The following PRR12 variants were observed in gnomAD, a reference collection of about 807,000 sequenced individuals.
The protein encoded by PRR12 is proline rich 12.
Under a neutral mutation model 138.0 loss-of-function variants are expected in PRR12, and 12 were observed. The observed-to-expected ratio is 0.09, with a 90% confidence interval of 0.06 to 0.14. The LOEUF (loss-of-function observed/expected upper bound fraction) is 0.14, where lower values mean the gene tolerates loss of function less well. PRR12 is among the 10% of genes least tolerant of loss of function. The pLI is 1.00. For synonymous variants in PRR12, 1,567 were observed against 1,291.7 expected (o/e 1.21, Z -4.57); for missense variants, 2,692 against 2,861.3 (o/e 0.94, Z 1.35).
intron 1 of PRR12, among the ~76,000 whole-genome samples, chr19:49,591,974 G>T (rs762698332): frequency 2.6e-5 from 4 of 152,216 alleles, no homozygotes; most frequent in African/African-American, 4.8e-5. Flanking sequence ...GAAAATGGGG[G>T]TGCAAAACAA....
intron 1 of PRR12, 97 bp downstream of exon 1, chr19:49,591,837 T>A: frequency 1.6e-6 from 1 of 643,770 alleles, no homozygotes; most frequent in Non-Finnish European, 2.3e-6. Flanking sequence ...GACGCGTGCA[T>A]CGCAAACTCC....
Position 49,596,387 on chromosome 19 carries a change from G to T in PRR12, c.2052G>T (p.Pro684=). The change falls in exon 4 of 14, where the codon CCG becomes CCT. Residue 684 remains proline, a synonymous_variant. Coordinates refer to ENST00000418929, the MANE Select transcript of PRR12 (RefSeq NM_020719.3). This position sits in a 1 kb window ranked among gnomAD's most constrained non-coding sequence, Gnocchi z 5.6. ...GGAGTGGCGGGGCCGGGGGACCACC[G>T]GGTACACCCTACGAGTTGGCCAAGG... ...LGGSGGAGGP[P]GTPYELAKED... is the part of the protein sequence containing the mutation. 1 of 1,602,768 alleles carries T rather than the reference G, an allele frequency of 6.2e-7. No homozygotes were observed.
At position 49,625,697 on chromosome 19, in the gene PRR12, T is replaced by C; in HGVS notation, c.*90T>C. Reference sequence around the variant, plus strand: ...CTCAGGAGCTAACACCTGGGCTCCATCGCCGGGGAAAGGGGGTCATGGGTC... The same window carrying C: ...CTCAGGAGCTAACACCTGGGCTCCACCGCCGGGGAAAGGGGGTCATGGGTC... On this transcript the variant is annotated 3_prime_UTR_variant, in exon 14 of 14. Transcript: ENST00000418929. The surrounding 1 kb of genome is among the most constrained non-coding windows in gnomAD (Gnocchi z 5.5). 6.8e-7 allele frequency: 1 copy of C among 1,461,938 alleles called. No individual in the cohort carries two copies. Among genetic ancestry groups the C allele is most frequent in the Non-Finnish European group, 9.1e-7 (1 of 1,103,366 alleles). 90.6% of individuals were successfully genotyped at this position (1,461,938 alleles called of 1,614,324 possible). A position where few individuals can be genotyped will look rare whatever the true frequency, so the allele number is the denominator to read the frequency against.
At chr19:49,592,293 T>A (rs2080733760) in intron 1 of PRR12, among the ~76,000 whole-genome samples, 1 of 150,850 alleles carries the variant, frequency 6.6e-6, no homozygotes. Context: ...AGGGAGGGGG[T>A]CAGGCGTCTG....
Position 49,614,215 on chromosome 19 carries a change from C to G in PRR12, c.4774-318C>G, listed in dbSNP as rs756397139. On this transcript the variant is annotated intron_variant, in intron 6 of 13. Coordinates refer to ENST00000418929, the MANE Select transcript of PRR12 (RefSeq NM_020719.3). This position sits in a 1 kb window ranked among gnomAD's most constrained non-coding sequence, Gnocchi z 5.0. ...CCTGTCCAGCACAGTAAATAGCAGG[C>G]GGTGTTCAAAGATTGTCATTACTCT... is the stretch of plus-strand genomic sequence containing the variant. Among the ~76,000 whole-genome samples the G allele has an allele frequency of 6.6e-6, 1 of 152,162 alleles. No homozygotes were observed. The highest frequency in any genetic ancestry group is 2.4e-5 in the African/African-American group (1 of 41,430).
At position 49,597,214 on chromosome 19, in the gene PRR12, A is replaced by G. The variant is rs1217970023; in HGVS notation, c.2879A>G (p.Asp960Gly). ...GAGATGTTCGGTGGAGGGGCCGCGGACGACTACGGCAAGGCCGGGCCACCT... is the reference window on the plus strand; with the variant it reads ...GAGATGTTCGGTGGAGGGGCCGCGGGCGACTACGGCAAGGCCGGGCCACCT... ...MEEMFGGGAA[D>G]DYGKAGPPED... Residue 960 changes from aspartate (D) to glycine (G), a missense_variant, in exon 4 of 14, where the codon GAC (aspartate) becomes GGC (glycine). By Grantham distance (94) the Asp-to-Gly change is moderately conservative. This residue lies in a region of PRR12 where 840 missense variants were observed against 689.8 expected (regional missense o/e 1.22). Transcript: ENST00000418929. The surrounding 1 kb of genome is among the most constrained non-coding windows in gnomAD (Gnocchi z 6.3). 3 of 1,566,770 alleles carry G rather than the reference A, an allele frequency of 1.9e-6. No individual in the cohort carries two copies. The highest frequency in any genetic ancestry group is 2.6e-6 in the Non-Finnish European group (3 of 1,156,010).
intron 5 of PRR12, 126 bp from the exon 6 acceptor site, chr19:49,601,365 G>A (rs936434010): frequency 3.2e-6 from 2 of 632,148 alleles, no homozygotes; most frequent in Non-Finnish European, 5.6e-6. Context: ...AGGGTAGAAG[G>A]GACACTGGGA....
Position 49,596,449 on chromosome 19 carries a change from G to A in PRR12, c.2114G>A (p.Arg705His), listed in dbSNP as rs372510933. 29 of 1,611,022 alleles carry A rather than the reference G, an allele frequency of 1.8e-5. No homozygotes were observed. Among genetic ancestry groups the A allele is most frequent in the Middle Eastern group, 1.7e-4 (1 of 6,050 alleles). ...PQRYHLQSVIRTSASLDEGAT... is the reference protein window; with the variant it reads ...PQRYHLQSVIHTSASLDEGAT... ...AGGTACCACCTGCAGAGTGTCATCC[G>A]CACCAGTGCCAGCCTGGATGAGGGT... The change falls in exon 4 of 14, where the codon CGC becomes CAC. Residue 705 changes from arginine (R) to histidine (H), a missense_variant. Physicochemically the swap from Arg to His is conservative, Grantham distance 29. This residue lies in a region of PRR12 where 840 missense variants were observed against 689.8 expected (regional missense o/e 1.22). Coordinates refer to ENST00000418929, the MANE Select transcript of PRR12 (RefSeq NM_020719.3). This position sits in a 1 kb window ranked among gnomAD's most constrained non-coding sequence, Gnocchi z 5.6.
At position 49,607,361 on chromosome 19, in the gene PRR12, G is replaced by GCGCGCACACACACA. The variant is rs1555742564; in HGVS notation, c.4773+5444_4773+5445insGCGCACACACACAC. On this transcript the variant is annotated intron_variant, in intron 6 of 13. Transcript: ENST00000418929. ...GAGTGAGCCTCTGTCATGTACGTGT[G>GCGCGCACACACACA]CACACACACACACACACACAGAGTT... is the stretch of plus-strand genomic sequence containing the variant. Among the ~76,000 whole-genome samples, 32 of 147,864 alleles carry GCGCGCACACACACA rather than the reference G, an allele frequency of 2.2e-4. No individual in the cohort carries two copies. The South Asian group carries it at 5.3e-3, about 25-fold the overall frequency.
rs1288437379 is a variant in PRR12, at chr19:49,616,138, G to T, written c.5416G>T (p.Gly1806Cys). ...KKRKKWLKEA[G>C]GNATAGGGPP... Reference sequence around the variant, plus strand: ...GAGGAAGAAATGGCTGAAGGAGGCAGGCGGCAACGCTACAGCAGGCGGGGG... The same window carrying T: ...GAGGAAGAAATGGCTGAAGGAGGCATGCGGCAACGCTACAGCAGGCGGGGG... Residue 1806 changes from glycine to cysteine, a missense_variant, in exon 9 of 14, where the codon GGC becomes TGC. Gly to Cys is a radical substitution (Grantham distance 159). Transcript: ENST00000418929. This position sits in a 1 kb window ranked among gnomAD's most constrained non-coding sequence, Gnocchi z 4.2. 1.9e-6 allele frequency: 3 copies of T among 1,567,018 alleles called. No homozygotes were observed. The highest frequency in any genetic ancestry group is 2.6e-6 in the Non-Finnish European group (3 of 1,156,534).
intron 6 of PRR12, among the ~76,000 whole-genome samples, chr19:49,609,996 C>T (rs1201398047): frequency 2.7e-5 from 4 of 148,972 alleles, no homozygotes; most frequent in African/African-American, 9.9e-5. Context: ...TTTTTTGAGA[C>T]GAAGTCTCGC....
At position 49,594,849 on chromosome 19, in the gene PRR12, G is replaced by C. The variant is rs774689571; in HGVS notation, c.514G>C (p.Asp172His). Residue 172 changes from aspartate to histidine, a missense_variant, in exon 4 of 14, where the codon GAC (aspartate) becomes CAC (histidine). Around this residue, in one of 11 missense-constraint regions of PRR12, gnomAD observed 211 missense variants for 266.3 expected, o/e 0.79. Transcript: ENST00000418929. The surrounding 1 kb of genome is among the most constrained non-coding windows in gnomAD (Gnocchi z 5.6). ...AGTGCCCTCGTCCCTCAGCCTCCAG[G>C]ACCCCCCATTCAGCCCTCCAGCTAA... ...FPVPSSLSLQ[D>H]PPFSPPANGL... is the part of the protein sequence containing the mutation. The C allele has an allele frequency of 6.2e-7, 1 of 1,611,242 alleles. No homozygotes were observed. The highest frequency in any genetic ancestry group is 8.5e-7 in the Non-Finnish European group (1 of 1,179,030).
Position 49,597,097 on chromosome 19 carries a change from C to A in PRR12, c.2762C>A (p.Thr921Asn). The A allele has an allele frequency of 6.4e-7, 1 of 1,551,488 alleles. No homozygotes were observed. Among genetic ancestry groups the A allele is most frequent in the South Asian group, 1.2e-5 (1 of 84,154 alleles). Residue 921 changes from threonine (T) to asparagine (N), a missense_variant, in exon 4 of 14, where the codon ACC becomes AAC. By Grantham distance (65) the Thr-to-Asn change is moderately conservative (BLOSUM62 0). Coordinates refer to ENST00000418929, the MANE Select transcript of PRR12 (RefSeq NM_020719.3). This position sits in a 1 kb window ranked among gnomAD's most constrained non-coding sequence, Gnocchi z 6.3. ...TACCGCAGCCCCAGCCCGCAAGGCA[C>A]CAAGGCGCCGCGTTTCGTGCCGCTC... ...GAYRSPSPQG[T>N]KAPRFVPLTS...
chr19:49,601,305 TCTC>T (rs144574430), intron 5 of PRR12, among the ~76,000 whole-genome samples, 183 bp from the exon 6 acceptor site: 3,556 of 151,872 alleles, frequency 0.023, 134 homozygotes, highest in African/African-American at 0.081. Context: ...AGGAGACAGG[TCTC>T]CTTTGCAGCC....
intron 9 of PRR12, among the ~76,000 whole-genome samples, chr19:49,619,991 T>A (rs1326853437): frequency 6.6e-6 from 1 of 151,048 alleles, no homozygotes; most frequent in Non-Finnish European, 1.5e-5. Context: ...TAGCTGGGAT[T>A]ACAGGCGTGT....
intron 1 of PRR12, among the ~76,000 whole-genome samples, chr19:49,592,925 T>TG (rs922811723): frequency 3.6e-4 from 54 of 149,746 alleles, no homozygotes; most frequent in Admixed American, 9.3e-4. Context: ...GGCGTCCATG[T>TG]GGACCTCTGG....
chr19:49,625,644 G>T lies in PRR12; in HGVS notation c.*37G>T. 1.3e-6 allele frequency: 2 copies of T among 1,567,532 alleles called. No individual in the cohort carries two copies. Among genetic ancestry groups the T allele is most frequent in the South Asian group, 2.3e-5 (2 of 86,166 alleles). ...CTTGTGAGGGGGGCGCCTCCTCCAT[G>T]AACCGAGAATTGGGACAGAACCGTG... On this transcript the variant is annotated 3_prime_UTR_variant, in exon 14 of 14. Coordinates refer to ENST00000418929, the MANE Select transcript of PRR12 (RefSeq NM_020719.3). This position sits in a 1 kb window ranked among gnomAD's most constrained non-coding sequence, Gnocchi z 5.5.
In PRR12 at chr19:49,614,773, G is replaced by T. The variant is rs761114906; in HGVS notation, c.4891-103G>T. On this transcript the variant is annotated intron_variant, in intron 7 of 13. Coordinates refer to ENST00000418929, the MANE Select transcript of PRR12 (RefSeq NM_020719.3). This position sits in a 1 kb window ranked among gnomAD's most constrained non-coding sequence, Gnocchi z 5.0. ...ATCTGGAAGGGGGCCCCCTGCTGCC[G>T]GCAGGCTCCAAGCAGCTGCCATGGT... 8 of 1,554,026 alleles carry T rather than the reference G, an allele frequency of 5.1e-6. No homozygotes were observed. The East Asian group carries it at 1.8e-4, about 35-fold the overall frequency.
At position 49,601,520 on chromosome 19, in the gene PRR12, C is replaced by G. The variant is rs1166810572; in HGVS notation, c.4375C>G (p.Pro1459Ala). Reference protein sequence around the residue: ...EPPLLEEKPPPTPPPAPTPQP... With the variant: ...EPPLLEEKPPATPPPAPTPQP... ...CCCGCTGCTGGAGGAGAAACCCCCACCCACTCCACCTCCTGCCCCGACTCC... is the reference window on the plus strand; with the variant it reads ...CCCGCTGCTGGAGGAGAAACCCCCAGCCACTCCACCTCCTGCCCCGACTCC... The change falls in exon 6 of 14, where the codon CCC becomes GCC. Residue 1459 changes from proline to alanine, a missense_variant. This residue lies in a region of PRR12 where 231 missense variants were observed against 200.8 expected (regional missense o/e 1.15). Coordinates refer to ENST00000418929, the MANE Select transcript of PRR12 (RefSeq NM_020719.3). 5 of 1,527,258 alleles carry G rather than the reference C, an allele frequency of 3.3e-6. No homozygotes were observed. The highest frequency in any genetic ancestry group is 4.4e-6 in the Non-Finnish European group (5 of 1,128,940). 94.6% of individuals were successfully genotyped at this position (1,527,258 alleles called of 1,614,324 possible).
Sources: allele counts gnomAD v4.1 joint callset (sites outside exome capture counted in the v4.1 genomes callset), GRCh38; gene constraint gnomAD v4.1.1; regional missense constraint gnomAD v4.1.1; non-coding constraint Gnocchi (gnomAD v3.1); transcripts MANE v1.5; gene names NCBI Gene and HGNC (gene_info 2026-07-23, HGNC 2026-07-21).